PTPDC1: variants seen among roughly 807,000 people sequenced by gnomAD.
PTPDC1 encodes the protein protein tyrosine phosphatase domain-containing protein 1.
In PTPDC1, 53 loss-of-function variants were observed where a neutral mutation model predicts 75.3. The ratio of observed to expected loss-of-function variants is 0.70; its 90% CI spans 0.56 to 0.88. PTPDC1 has a LOEUF of 0.88. Ranked by LOEUF, PTPDC1 falls within the 40% of genes least tolerant of loss-of-function variation. The pLI, the probability that PTPDC1 is intolerant of heterozygous loss-of-function variation, is 0.00. For synonymous variants in PTPDC1, 349 were observed against 366.2 expected, an observed-to-expected ratio of 0.95 and a Z score of 0.54; for missense variants, 925 against 998.6, an observed-to-expected ratio of 0.93 and a Z score of 0.99.
intron 8 of PTPDC1, 142 bp downstream of exon 8, chr9:94,104,527 C>A: frequency 1.7e-6 from 1 of 576,984 alleles, no homozygotes; most frequent in Non-Finnish European, 3.0e-6. Context: ...TTTGACATTT[C>A]TTCTAAGTAG....
At chr9:94,073,646 C>T (rs948378032) in intron 2 of PTPDC1, among the ~76,000 whole-genome samples, 4 of 152,132 alleles carry the variant, frequency 2.6e-5, no homozygotes, top group Middle Eastern at 3.4e-3. Flanking sequence ...GTGTGCTTTG[C>T]TCTCATTTTT....
intron 4 of PTPDC1, among the ~76,000 whole-genome samples, chr9:94,091,175 T>C (rs1389274231): frequency 1.3e-5 from 2 of 151,272 alleles, no homozygotes; most frequent in African/African-American, 4.9e-5. Flanking sequence ...TCAAAGGGAA[T>C]GCTTCCAGTT....
intron 1 of PTPDC1, among the ~76,000 whole-genome samples, chr9:94,042,055 TACACAGTTTATTCTA>T (rs1370616082): frequency 6.6e-6 from 1 of 152,234 alleles, no homozygotes; most frequent in Non-Finnish European, 1.5e-5. Context: ...AACTGAGAAC[TACACAGTTTATTCTA>T]ACCTTTCCTC....
chr9:94,094,113 G>A (rs541533648), intron 4 of PTPDC1, among the ~76,000 whole-genome samples: 4 of 152,292 alleles, frequency 2.6e-5, no homozygotes, highest in South Asian at 2.1e-4. Context: ...GCTTTGTTCC[G>A]TTGCTGGTGA....
Position 94,107,939 on chromosome 9 carries a change from C to T in PTPDC1, c.2422C>T (p.Leu808Phe). Residue 808 changes from leucine (L) to phenylalanine (F), a missense_variant, in exon 9 of 9, where the codon CTC becomes TTC. Physicochemically the swap from Leu to Phe is conservative, Grantham distance 22 (BLOSUM62 0). Transcript: ENST00000620992. ...KMTKDGPKPG[L>F] ...GACAAAAGATGGCCCTAAGCCTGGC[C>T]TCTAGCTTTCACTCGTGGTGAATAT... 1 of 1,568,336 alleles carries T rather than the reference C, an allele frequency of 6.4e-7. No homozygotes were observed. Among genetic ancestry groups the T allele is most frequent in the Non-Finnish European group, 8.7e-7 (1 of 1,153,192 alleles).
At chr9:94,030,996 A>C (rs970236673) in exon 1 of PTPDC1, 146 of 152,192 alleles carry the variant, frequency 9.6e-4, no homozygotes, top group African/African-American at 3.2e-3. Flanking sequence ...CGCTACCCAC[A>C]GACCCTCCGC....
intron 1 of PTPDC1, among the ~76,000 whole-genome samples, chr9:94,049,019 G>T (rs948368875): frequency 6.7e-6 from 1 of 148,434 alleles, no homozygotes; most frequent in African/African-American, 2.5e-5. Context: ...CAGAGACTGG[G>T]ATTGCAACCC....
chr9:94,068,150 G>A (rs1480437895), intron 2 of PTPDC1, among the ~76,000 whole-genome samples: 1 of 151,970 alleles, frequency 6.6e-6, no homozygotes, highest in Non-Finnish European at 1.5e-5. Context: ...TGATTGTCTT[G>A]CTTTTTGTGA....
chr9:94,086,171 T>G (rs941405086), intron 2 of PTPDC1, among the ~76,000 whole-genome samples: 1 of 152,220 alleles, frequency 6.6e-6, no homozygotes, highest in Non-Finnish European at 1.5e-5. Flanking sequence ...AACCTGTACT[T>G]TTTCATATTG....
upstream of PTPDC1, among the ~76,000 whole-genome samples, chr9:94,084,071 C>T (rs568783563): frequency 2.6e-5 from 4 of 152,180 alleles, no homozygotes; most frequent in Admixed American, 6.5e-5. Flanking sequence ...ACTATTCAAA[C>T]GAGGAGTAGA....
intron 2 of PTPDC1, among the ~76,000 whole-genome samples, chr9:94,070,719 A>G (rs1826484671): frequency 6.6e-6 from 1 of 152,160 alleles, no homozygotes. Context: ...CCCCAGTTCT[A>G]TAATTTTGTC....
exon 2 of PTPDC1, chr9:94,064,758 C>T (rs1826246762): frequency 1.2e-6 from 2 of 1,613,394 alleles, no homozygotes; most frequent in Non-Finnish European, 1.7e-6. Context: ...AGGAGTCTTG[C>T]CTCAGAATGA....
chr9:94,094,161 T>G (rs1480454207), intron 4 of PTPDC1, among the ~76,000 whole-genome samples: 3 of 152,132 alleles, frequency 2.0e-5, no homozygotes, highest in Non-Finnish European at 2.9e-5. Flanking sequence ...GGTGCTCTAC[T>G]TTTTAGAGTT....
At chr9:94,082,318 C>G (rs1444614946), upstream of PTPDC1, among the ~76,000 whole-genome samples, 1 of 152,220 alleles carries the variant, frequency 6.6e-6, no homozygotes, top group East Asian at 1.9e-4. Context: ...ACTGCATTCT[C>G]AGCCTATTGT....
rs368906801 is a variant in PTPDC1 at position 94,066,320 on chromosome 9, T to A, written c.82+1499T>A. On this transcript the variant is annotated intron_variant, in intron 2 of 9. Coordinates refer to the PTPDC1 transcript ENST00000375360. ...TAGGAAAAAATCTAGACAAATAACA[T>A]CTGCTTTATAGCTAATTTTATTAAA... 3.3e-4 allele frequency among the ~76,000 whole-genome samples: 50 copies of A among 152,332 alleles called. 1 individual carries two copies. Among genetic ancestry groups the A allele is most frequent in the African/African-American group, 1.2e-3 (49 of 41,584 alleles).
At chr9:94,078,713 C>G (rs972486189) in intron 2 of PTPDC1, among the ~76,000 whole-genome samples, 2 of 152,050 alleles carry the variant, frequency 1.3e-5, no homozygotes, top group African/African-American at 4.8e-5. Context: ...TCAGTCTTAT[C>G]TTCAGGTTCT....
At chr9:94,084,354 T>C (rs191329869), upstream of PTPDC1, 11 of 963,932 alleles carry the variant, frequency 1.1e-5, no homozygotes, top group East Asian at 2.7e-4. Flanking sequence ...ATTTTGCCTG[T>C]TCAGATCTAA....
upstream of PTPDC1, among the ~76,000 whole-genome samples, chr9:94,082,496 G>A (rs995716224): frequency 6.6e-6 from 1 of 152,180 alleles, no homozygotes; most frequent in East Asian, 1.9e-4. Flanking sequence ...GGGTTTCTTT[G>A]TTGTGTTTAT....
In PTPDC1 at chr9:94,098,044, C is replaced by T; in HGVS notation, c.1478C>T (p.Pro493Leu). 2.5e-6 allele frequency: 4 copies of T among 1,614,220 alleles called. No individual in the cohort carries two copies. In the South Asian group the frequency reaches 4.4e-5, roughly 18 times the overall value. Residue 493 changes from proline to leucine, a missense_variant, in exon 6 of 9, where the codon CCA becomes CTA. Transcript: ENST00000620992. ...LISHCYIPQS[P>L]EPDLHKEALV... ...AGCCATTGTTACATCCCACAGTCTC[C>T]AGAACCAGACTTACACAAGGAAGCC...
Sources: allele counts gnomAD v4.1 joint callset (sites outside exome capture counted in the v4.1 genomes callset), GRCh38; gene constraint gnomAD v4.1.1; transcripts MANE v1.5; gene names NCBI Gene and HGNC (gene_info 2026-07-23, HGNC 2026-07-21).